FRMPD4: variants seen among roughly 807,000 people sequenced by gnomAD.
FRMPD4 encodes the protein FERM and PDZ domain containing 4, also known as FERM and PDZ domain-containing protein 4.
A neutral mutation model predicts 94.1 loss-of-function variants in FRMPD4; 22 were observed. The ratio of observed to expected loss-of-function variants is 0.23; its 90% CI spans 0.17 to 0.33. The LOEUF (loss-of-function observed/expected upper bound fraction) is 0.33, where lower values mean the gene tolerates loss of function less well. FRMPD4 is among the 10% of genes least tolerant of loss of function. The pLI is 1.00. For synonymous variants in FRMPD4, 631 were observed against 548.6 expected (o/e 1.15, Z -2.10); for missense variants, 1,111 against 1,339.9 (o/e 0.83, Z 2.67).
intron 4 of FRMPD4, among the ~76,000 whole-genome samples, chrX:12,627,731 T>C (rs2148443522): frequency 8.9e-6 from 1 of 112,644 alleles, no homozygotes; most frequent in African/African-American, 3.2e-5. Context: ...CTACTCTAGA[T>C]GCTTTTATGC....
intron 5 of FRMPD4, among the ~76,000 whole-genome samples, chrX:12,681,717 A>ACG (rs1491062322): frequency 1.8e-5 from 2 of 108,426 alleles, no homozygotes; most frequent in African/African-American, 6.8e-5. Flanking sequence ...ACACACACAC[A>ACG]CGCACGCACA....
intron 2 of FRMPD4, among the ~76,000 whole-genome samples, chrX:12,519,591 C>T (rs988418365): frequency 7.1e-5 from 8 of 112,130 alleles, no homozygotes; most frequent in East Asian, 2.8e-4. Flanking sequence ...CCTCATAAAA[C>T]ATGATCAACA....
intron 1 of FRMPD4, among the ~76,000 whole-genome samples, chrX:12,381,714 G>T (rs1312698656): frequency 8.9e-6 from 1 of 112,033 alleles, no homozygotes. Flanking sequence ...TAAATGGACT[G>T]CTGACACGAT....
intron 1 of FRMPD4, among the ~76,000 whole-genome samples, chrX:12,270,249 A>G (rs754095450): frequency 1.3e-5 from 1 of 78,292 alleles, no homozygotes; most frequent in East Asian, 3.4e-4. Flanking sequence ...CATGCCAAAT[A>G]CCATTGTCTT....
intron 3 of FRMPD4, among the ~76,000 whole-genome samples, chrX:12,108,762 G>A (rs1601943636): frequency 9.0e-6 from 1 of 111,579 alleles, no homozygotes; most frequent in African/African-American, 3.3e-5. Flanking sequence ...AAAAAAGACA[G>A]GGGTTGCAAT....
At chrX:11,864,030 C>T (rs1305793664) in intron 1 of FRMPD4, among the ~76,000 whole-genome samples, 1 of 111,033 alleles carries the variant, frequency 9.0e-6, no homozygotes, top group Non-Finnish European at 1.9e-5. Flanking sequence ...ATGTTTAGGG[C>T]CTTGCCATTG....
intron 1 of FRMPD4, among the ~76,000 whole-genome samples, chrX:12,206,634 G>A (rs904715037): frequency 8.9e-6 from 1 of 112,080 alleles, no homozygotes; most frequent in African/African-American, 3.2e-5. Flanking sequence ...AGATGCAGCA[G>A]TGCTAACAGA....
intron 16 of FRMPD4, 28 bp from the exon 17 acceptor site, chrX:12,720,502 TTCTC>T: frequency 8.4e-7 from 1 of 1,196,171 alleles, no homozygotes; most frequent in South Asian, 1.8e-5. Flanking sequence ...TGCTTAATGA[TTCTC>T]TCTGTTTTTC....
At chrX:12,239,422 T>C (rs757649936) in intron 1 of FRMPD4, among the ~76,000 whole-genome samples, 1 of 112,850 alleles carries the variant, frequency 8.9e-6, no homozygotes, top group South Asian at 3.7e-4. Flanking sequence ...TATCTGTTCT[T>C]TTCATGATGG....
At chrX:12,076,586 G>A (rs1157209641) in intron 3 of FRMPD4, among the ~76,000 whole-genome samples, 1 of 110,620 alleles carries the variant, frequency 9.0e-6, no homozygotes, top group Non-Finnish European at 1.9e-5. Context: ...ATAAATACCT[G>A]CTATTCCCAC....
At chrX:12,504,379 C>T (rs1051364965) in intron 2 of FRMPD4, among the ~76,000 whole-genome samples, 2 of 112,826 alleles carry the variant, frequency 1.8e-5, no homozygotes, top group Non-Finnish European at 3.7e-5. Context: ...AAAGCAAATA[C>T]TTGCCTCATG....
intron 1 of FRMPD4, among the ~76,000 whole-genome samples, chrX:12,296,968 A>T (rs947231489): frequency 1.8e-5 from 2 of 112,395 alleles, no homozygotes; most frequent in Non-Finnish European, 3.8e-5. Context: ...GTCCCTCCCC[A>T]TGTTGGCTGT....
chrX:12,583,530 A>G, intron 2 of FRMPD4: 1 of 1,035,844 alleles, frequency 9.7e-7, no homozygotes. Context: ...TTCCCATATT[A>G]TGATCCTCAT....
intron 1 of FRMPD4, among the ~76,000 whole-genome samples, chrX:12,480,115 G>T (rs1191157906): frequency 9.1e-6 from 1 of 110,439 alleles, no homozygotes; most frequent in East Asian, 2.8e-4. Context: ...GGAAAAGAAG[G>T]AAAAGTAATT....
chrX:12,180,721 G>T (rs745776333), intron 1 of FRMPD4, among the ~76,000 whole-genome samples: 103 of 112,598 alleles, frequency 9.1e-4, no homozygotes, highest in Admixed American at 1.7e-3. Flanking sequence ...TTGCAGGCAA[G>T]ATAGCTTCTG....
chrX:12,316,304 G>A (rs1011707186), intron 1 of FRMPD4, among the ~76,000 whole-genome samples: 2 of 108,814 alleles, frequency 1.8e-5, no homozygotes, highest in Non-Finnish European at 3.8e-5. Flanking sequence ...ATGCCACCAC[G>A]CACAGCTAAT....
chrX:12,071,359 C>T (rs944848563), intron 3 of FRMPD4, among the ~76,000 whole-genome samples: 5 of 111,530 alleles, frequency 4.5e-5, no homozygotes, highest in Non-Finnish European at 9.4e-5. Context: ...CGGAAATGGT[C>T]TCAATAAGTT....
rs140450545 is a variant in FRMPD4, at chrX:12,091,201, G to A, written c.95+213183G>A. Among the ~76,000 whole-genome samples, 1,055 of 111,533 alleles carry A rather than the reference G, an allele frequency of 9.5e-3. 23 individuals carry two copies. The highest frequency in any genetic ancestry group is 0.075 in the Admixed American group (782 of 10,455). On this transcript the variant is annotated intron_variant, in intron 3 of 18. Transcript: ENST00000640291. The stretch of plus-strand genomic sequence containing the variant: ...GCAGATCGAGAAGCTGAGGCACCAG[G>A]AGCTTCAAGGACATTGCTGCAAATT...
intron 1 of FRMPD4, among the ~76,000 whole-genome samples, chrX:12,305,027 C>A (rs987568733): frequency 5.4e-5 from 6 of 112,129 alleles, no homozygotes; most frequent in African/African-American, 1.9e-4. Context: ...AGAAAAAATT[C>A]TTTGTACATT....
Sources: allele counts gnomAD v4.1 joint callset (sites outside exome capture counted in the v4.1 genomes callset), GRCh38; gene constraint gnomAD v4.1.1; transcripts MANE v1.5; gene names NCBI Gene and HGNC (gene_info 2026-07-23, HGNC 2026-07-21).